COL15A1: variants seen among roughly 807,000 people sequenced by gnomAD.
COL15A1 encodes the protein collagen type XV alpha 1 chain.
A neutral mutation model predicts 165.9 loss-of-function variants in COL15A1; 111 were observed. The ratio of observed to expected loss-of-function variants is 0.67; its 90% CI spans 0.57 to 0.78. The LOEUF (loss-of-function observed/expected upper bound fraction) is 0.78, where lower values mean the gene tolerates loss of function less well. Among genes scored for constraint, COL15A1 ranks in the 30% least tolerant of loss-of-function variants. The probability of loss-of-function intolerance (pLI) is 0.00; values close to 1 mark genes in which losing one functional copy is unlikely to be tolerated. For synonymous variants in COL15A1, 659 were observed against 674.8 expected, an observed-to-expected ratio of 0.98 and a Z score of 0.36; for missense variants, 1,745 against 1,789.7, an observed-to-expected ratio of 0.98 and a Z score of 0.45.
intron 5 of COL15A1, among the ~76,000 whole-genome samples, chr9:98,990,615 A>G (rs866501210): frequency 6.6e-6 from 1 of 152,358 alleles, no homozygotes; most frequent in Middle Eastern, 3.4e-3. Flanking sequence ...CCAACAGCCC[A>G]AGGTTGCCCT....
At chr9:98,953,703 T>C (rs1837728647) in intron 2 of COL15A1, among the ~76,000 whole-genome samples, 1 of 152,202 alleles carries the variant, frequency 6.6e-6, no homozygotes, top group African/African-American at 2.4e-5. Flanking sequence ...AGGGAACCCC[T>C]TTCTGGGTTT....
At chr9:99,018,098 G>A (rs1838967802) in intron 11 of COL15A1, among the ~76,000 whole-genome samples, 1 of 152,026 alleles carries the variant, frequency 6.6e-6, no homozygotes, top group African/African-American at 2.4e-5. Flanking sequence ...CCTTTGTTTT[G>A]GTCATAGCCA....
Position 99,069,980 on chromosome 9 carries a change from A to ATT in COL15A1, c.*94_*95insTT. ...AATGTTTAATTGTTGTAAATATTACAGTTTTTTTTTTTTACTACATATTCT... is the reference window on the plus strand; with the variant it reads ...AATGTTTAATTGTTGTAAATATTACATTGTTTTTTTTTTTTACTACATATTCT... On this transcript the variant is annotated 3_prime_UTR_variant, in exon 42 of 42. Coordinates refer to ENST00000375001, the MANE Select transcript of COL15A1 (RefSeq NM_001855.5). 3 of 679,474 alleles carry ATT rather than the reference A, an allele frequency of 4.4e-6. No individual in the cohort carries two copies. The highest frequency in any genetic ancestry group is 2.6e-5 in the South Asian group (1 of 37,858). The allele number at this position is 679,474 out of a possible 1,614,324, so 42.1% of individuals were successfully genotyped here.
Position 99,035,080 on chromosome 9 carries a change from G to A in COL15A1, c.2146G>A (p.Val716Ile). Residue 716 changes from valine to isoleucine, a missense_variant, in exon 18 of 42, where the codon GTC becomes ATC. Val to Ile is a conservative substitution (Grantham distance 29, BLOSUM62 3). Coordinates refer to ENST00000375001, the MANE Select transcript of COL15A1 (RefSeq NM_001855.5). The part of the protein sequence containing the change: ...GKKGQAGPPG[V>I]MGPPGPPGPP... The stretch of plus-strand genomic sequence containing the variant: ...AAAGGGACAAGCTGGCCCTCCTGGG[G>A]TCATGGGACCCCCAGGGCCTCCTGG... 6.2e-7 allele frequency: 1 copy of A among 1,610,696 alleles called. No individual in the cohort carries two copies. Among genetic ancestry groups the A allele is most frequent in the Admixed American group, 1.7e-5 (1 of 59,998 alleles).
At chr9:98,969,301 A>C (rs868419990) in intron 2 of COL15A1, among the ~76,000 whole-genome samples, 1 of 152,154 alleles carries the variant, frequency 6.6e-6, no homozygotes, top group African/African-American at 2.4e-5. Context: ...CCCTCTGCTC[A>C]GTGTTTTATG....
chr9:99,046,505 A>G (rs1248904045), intron 26 of COL15A1, among the ~76,000 whole-genome samples: 5 of 152,312 alleles, frequency 3.3e-5, no homozygotes, highest in African/African-American at 1.2e-4. Flanking sequence ...TTTACAAAGA[A>G]AAGAGGTTTA....
At chr9:99,044,510 T>A (rs1458899542) in intron 24 of COL15A1, 58 bp from the exon 25 acceptor site, 1 of 1,537,252 alleles carries the variant, frequency 6.5e-7, no homozygotes, top group Non-Finnish European at 9.0e-7. Flanking sequence ...TACAAAACTC[T>A]CTGGACAAGG....
In COL15A1 at chr9:99,044,899, A is replaced by G. The variant is rs79402765; in HGVS notation, c.2679+129A>G. 2.8e-3 allele frequency: 2,291 copies of G among 827,702 alleles called. 33 individuals carry two copies. The African/African-American group carries it at 0.035, about 12-fold the overall frequency. The allele number at this position is 827,702 out of a possible 1,614,324, so 51.3% of individuals were successfully genotyped here. ...TGTGGCAAAGATGTGCAAAATGTGCATATACTAGGGTAAGGCTGACTACAA... is the reference window on the plus strand; with the variant it reads ...TGTGGCAAAGATGTGCAAAATGTGCGTATACTAGGGTAAGGCTGACTACAA... On this transcript the variant is annotated intron_variant, in intron 26 of 41. Transcript: ENST00000375001.
At chr9:98,999,530 T>C (rs1446071426) in intron 6 of COL15A1, among the ~76,000 whole-genome samples, 17 of 149,850 alleles carry the variant, frequency 1.1e-4, no homozygotes, top group South Asian at 2.1e-4. Flanking sequence ...TCTTCTTCTT[T>C]TTTTTTTTTT....
chr9:98,973,613 C>A (rs1838096084), intron 2 of COL15A1, among the ~76,000 whole-genome samples: 1 of 152,188 alleles, frequency 6.6e-6, no homozygotes, highest in Non-Finnish European at 1.5e-5. Flanking sequence ...GAAACGGGAG[C>A]CCCCAGAGAC....
Position 99,069,700 on chromosome 9 carries a change from C to T in COL15A1, c.3981C>T (p.Ser1327=). ...CCCAGAAAGTCATTTGGCATGGCTC[C>T]AGCCCCCATGGCGTCCGCCTTGTGG... The part of the protein sequence containing the change: ...SWPQKVIWHG[S]SPHGVRLVDN... Residue 1327 remains serine, a synonymous_variant, in exon 42 of 42, where the codon TCC becomes TCT. Coordinates refer to ENST00000375001, the MANE Select transcript of COL15A1 (RefSeq NM_001855.5). The T allele has an allele frequency of 6.2e-7, 1 of 1,610,926 alleles. No homozygotes were observed. Among genetic ancestry groups the T allele is most frequent in the Non-Finnish European group, 8.5e-7 (1 of 1,177,200 alleles).
chr9:99,052,179 C>T (rs1351971949), intron 30 of COL15A1, among the ~76,000 whole-genome samples: 2 of 152,250 alleles, frequency 1.3e-5, no homozygotes, highest in Non-Finnish European at 2.9e-5. Context: ...AGCTCAACTA[C>T]ATCATGGGTC....
intron 3 of COL15A1, 62 bp from the exon 4 acceptor site, chr9:98,987,232 T>G: frequency 6.8e-7 from 1 of 1,478,394 alleles, no homozygotes; most frequent in Non-Finnish European, 9.4e-7. Context: ...AATCATGTCT[T>G]CCACTGGCAG....
At chr9:99,027,353 G>T (rs1839143321) in intron 16 of COL15A1, among the ~76,000 whole-genome samples, 2 of 152,180 alleles carry the variant, frequency 1.3e-5, no homozygotes. Context: ...GTTTCCGTCA[G>T]CTCTGGAGTA....
chr9:99,016,209 G>C, intron 11 of COL15A1, 90 bp downstream of exon 11: 1 of 1,450,202 alleles, frequency 6.9e-7, no homozygotes, highest in South Asian at 1.4e-5. Context: ...CTGGCCCCCA[G>C]CTTTCTCAGA....
At chr9:98,994,569 G>A (rs1419646683) in intron 5 of COL15A1, among the ~76,000 whole-genome samples, 1 of 152,142 alleles carries the variant, frequency 6.6e-6, no homozygotes, top group African/African-American at 2.4e-5. Context: ...GTCTAGGTCT[G>A]GGGATCCTCC....
intron 2 of COL15A1, among the ~76,000 whole-genome samples, chr9:98,948,596 C>CAAAAAAA (rs67986686): frequency 9.9e-6 from 1 of 100,538 alleles, no homozygotes; most frequent in African/African-American, 3.8e-5. Flanking sequence ...GACTCTGTCT[C>CAAAAAAA]AAAAAAAAAA....
chr9:98,970,668 T>A (rs1838033897), intron 2 of COL15A1, among the ~76,000 whole-genome samples: 1 of 152,098 alleles, frequency 6.6e-6, no homozygotes, highest in Non-Finnish European at 1.5e-5. Context: ...ACAAATGAAG[T>A]CTGAATTGCT....
intron 26 of COL15A1, among the ~76,000 whole-genome samples, chr9:99,046,035 G>C (rs558374759): frequency 2.6e-5 from 4 of 152,342 alleles, no homozygotes; most frequent in African/African-American, 9.6e-5. Flanking sequence ...CAGACTGAGA[G>C]ATTCTTGTAT....
Sources: gnomAD v4.1 joint callset for allele counts (sites outside exome capture counted in the v4.1 genomes callset) on GRCh38, gnomAD v4.1.1 for gene constraint, MANE v1.5 for transcripts, NCBI Gene and HGNC (gene_info 2026-07-23, HGNC 2026-07-21) for gene names.